The following MARCHF1 variants were observed in gnomAD, a reference collection of about 807,000 sequenced individuals.
MARCHF1 encodes the protein E3 ubiquitin-protein ligase MARCHF1.
MARCHF1 carries 40 observed loss-of-function variants against 54.2 expected under a neutral mutation model. That is an observed-to-expected ratio of 0.74 (90% CI 0.57 to 0.96). The LOEUF is 0.96. Ranked by LOEUF, MARCHF1 falls within the 40% of genes least tolerant of loss-of-function variation. The pLI, the probability that MARCHF1 is intolerant of heterozygous loss-of-function variation, is 0.00. For synonymous variants in MARCHF1, 236 were observed against 236.3 expected (o/e 1.00, Z 0.01); for missense variants, 586 against 656.5 (o/e 0.89, Z 1.17).
At chr4:163,790,257 C>T (rs550253817) in intron 4 of MARCHF1, among the ~76,000 whole-genome samples, 2 of 152,126 alleles carry the variant, frequency 1.3e-5, no homozygotes, top group African/African-American at 4.8e-5. Context: ...TAATCTTTCC[C>T]AAAAAGTCAC....
At chr4:163,779,687 C>A (rs975349306) in intron 4 of MARCHF1, among the ~76,000 whole-genome samples, 1 of 151,978 alleles carries the variant, frequency 6.6e-6, no homozygotes, top group Admixed American at 6.6e-5. Context: ...TTGCTCTGAA[C>A]TGAAGTTATT....
chr4:164,141,386 T>C (rs1056096570), intron 1 of MARCHF1, among the ~76,000 whole-genome samples: 4 of 152,230 alleles, frequency 2.6e-5, no homozygotes, highest in African/African-American at 9.6e-5. Context: ...TAGCTGTCTT[T>C]AGACAACTAC....
At chr4:164,190,118 G>A (rs1731086232) in intron 1 of MARCHF1, 6 of 1,498,710 alleles carry the variant, frequency 4.0e-6, no homozygotes, top group Non-Finnish European at 5.5e-6. Context: ...AAGAAAAGCT[G>A]GGAGGTAAAC....
chr4:164,264,302 C>A (rs1163521453), intron 1 of MARCHF1, among the ~76,000 whole-genome samples: 2 of 151,968 alleles, frequency 1.3e-5, no homozygotes, highest in East Asian at 3.9e-4. Flanking sequence ...CTCATGAACA[C>A]AACGAATAAA....
Position 163,683,640 on chromosome 4 carries a change from T to C in MARCHF1, c.162+17173A>G, listed in dbSNP as rs144404811. 2.0e-3 allele frequency among the ~76,000 whole-genome samples: 303 copies of C among 152,342 alleles called. 1 individual carries two copies. Among genetic ancestry groups the C allele is most frequent in the African/African-American group, 7.0e-3 (293 of 41,568 alleles). On this transcript the variant is annotated intron_variant, in intron 5 of 9. Coordinates refer to ENST00000514618, the MANE Select transcript of MARCHF1 (RefSeq NM_001394959.1). ...ACAAGGCTCATATTTTCTGTTAACT[T>C]AAATAGTCCTTAACAAAATCAGGTC...
At chr4:164,291,050 T>C (rs1056633680) in intron 1 of MARCHF1, among the ~76,000 whole-genome samples, 9 of 151,958 alleles carry the variant, frequency 5.9e-5, no homozygotes, top group African/African-American at 2.2e-4. Flanking sequence ...ATCTTTAAGT[T>C]GAAATTTCAA....
chr4:163,706,302 G>A (rs1744947992), intron 4 of MARCHF1, among the ~76,000 whole-genome samples: 1 of 151,976 alleles, frequency 6.6e-6, no homozygotes, highest in African/African-American at 2.4e-5. Flanking sequence ...AATTCTTGTG[G>A]GTCTTTGAGT....
chr4:164,323,905 C>T (rs948702011), intron 1 of MARCHF1, among the ~76,000 whole-genome samples: 5 of 151,540 alleles, frequency 3.3e-5, no homozygotes, highest in Non-Finnish European at 7.4e-5. Context: ...TTCTGTCTAG[C>T]CTATTTTCAA....
At chr4:163,719,534 G>A (rs993084461) in intron 4 of MARCHF1, among the ~76,000 whole-genome samples, 5 of 152,060 alleles carry the variant, frequency 3.3e-5, no homozygotes, top group African/African-American at 1.2e-4. Flanking sequence ...GTAATCCTTT[G>A]GGTATATACG....
chr4:164,113,471 AG>A (rs2110738947), intron 1 of MARCHF1, among the ~76,000 whole-genome samples: 1 of 152,090 alleles, frequency 6.6e-6, no homozygotes, highest in East Asian at 1.9e-4. Context: ...AGAGAGAGGG[AG>A]GGAAAGATAA....
intron 5 of MARCHF1, among the ~76,000 whole-genome samples, chr4:163,680,378 C>A (rs1744065030): frequency 6.6e-6 from 1 of 152,240 alleles, no homozygotes; most frequent in African/African-American, 2.4e-5. Context: ...ACTATAATAT[C>A]TTCCTTGTGT....
At chr4:163,558,227 G>A (rs997690205) in intron 8 of MARCHF1, among the ~76,000 whole-genome samples, 2 of 152,184 alleles carry the variant, frequency 1.3e-5, no homozygotes, top group Non-Finnish European at 2.9e-5. Flanking sequence ...TGGAACAGGC[G>A]TGAACGGTTC....
chr4:163,583,947 G>A (rs530532212), intron 8 of MARCHF1: 95 of 151,464 alleles, frequency 6.3e-4, no homozygotes, highest in African/African-American at 1.8e-3. Flanking sequence ...GTAAGCCACC[G>A]TGCCTGGTCC....
intron 4 of MARCHF1, among the ~76,000 whole-genome samples, chr4:163,773,103 G>T (rs1332457946): frequency 6.6e-6 from 1 of 152,168 alleles, no homozygotes; most frequent in Non-Finnish European, 1.5e-5. Context: ...TAACAGAAAA[G>T]AATGAATGTC....
intron 3 of MARCHF1, among the ~76,000 whole-genome samples, chr4:163,925,151 A>C (rs1751511028): frequency 6.6e-6 from 1 of 151,896 alleles, no homozygotes; most frequent in Admixed American, 6.6e-5. Flanking sequence ...GGCATTTTTG[A>C]AATTTGTTTT....
At chr4:163,919,805 GTCT>G (rs1164847988) in intron 3 of MARCHF1, among the ~76,000 whole-genome samples, 5 of 152,096 alleles carry the variant, frequency 3.3e-5, no homozygotes, top group African/African-American at 7.2e-5. Flanking sequence ...TCAGCACTAT[GTCT>G]TAAGAACACT....
chr4:164,152,579 T>TG (rs982146452), intron 1 of MARCHF1, among the ~76,000 whole-genome samples: 12 of 152,208 alleles, frequency 7.9e-5, no homozygotes, highest in African/African-American at 2.9e-4. Context: ...CAAAGTCTCT[T>TG]GGGGGAAAAG....
intron 3 of MARCHF1, among the ~76,000 whole-genome samples, chr4:163,935,702 CTTTTTT>C (rs34331599): frequency 2.5e-4 from 31 of 125,722 alleles, no homozygotes; most frequent in Non-Finnish European, 3.6e-4. Flanking sequence ...TGCTTGCTTT[CTTTTTT>C]TTTTTTTTTT....
rs904860050 is a variant in MARCHF1 at position 164,299,361 on chromosome 4, G to T, written c.-323+84509C>A. Among the ~76,000 whole-genome samples, 6 of 152,174 alleles carry T rather than the reference G, an allele frequency of 3.9e-5. No individual in the cohort carries two copies. In the South Asian group the frequency reaches 1.2e-3, roughly 32 times the overall value. ...TCCTGACAACTTTGACACATTAAAT[G>T]GAAATCTTAGAATTACTGTAATGGA... On this transcript the variant is annotated intron_variant, in intron 1 of 9. Transcript: ENST00000514618.
Sources: allele counts gnomAD v4.1 joint callset (sites outside exome capture counted in the v4.1 genomes callset), GRCh38; gene constraint gnomAD v4.1.1; transcripts MANE v1.5; gene names NCBI Gene and HGNC (gene_info 2026-07-23, HGNC 2026-07-21).